Variants in KIF25 observed in about 807,000 individuals in gnomAD.
KIF25 encodes the protein kinesin-like protein KIF25.
Under a neutral mutation model 32.9 loss-of-function variants are expected in KIF25, and 19 were observed. The observed-to-expected ratio is 0.58, with a 90% CI of 0.40 to 0.85. The LOEUF (loss-of-function observed/expected upper bound fraction) is 0.85, where lower values mean the gene tolerates loss of function less well. KIF25 is among the 40% of genes least tolerant of loss of function. The pLI is 0.00. For synonymous variants in KIF25, 225 were observed against 213.7 expected, an observed-to-expected ratio of 1.05 and a Z score of -0.46; for missense variants, 485 against 507.0, an observed-to-expected ratio of 0.96 and a Z score of 0.42.
At chr6:168,043,848 A>T (rs2114918225) in intron 12 of KIF25, among the ~76,000 whole-genome samples, 1 of 152,260 alleles carries the variant, frequency 6.6e-6, no homozygotes, top group African/African-American at 2.4e-5. Context: ...TTCATCTGTA[A>T]TTCTTAACCC....
intron 4 of KIF25, among the ~76,000 whole-genome samples, chr6:168,009,406 A>C (rs755535063): frequency 6.6e-6 from 1 of 152,110 alleles, no homozygotes; most frequent in Non-Finnish European, 1.5e-5. Flanking sequence ...CTGTCCTCAC[A>C]TTTTGGGATA....
chr6:168,018,581 C>T (rs147229384), intron 5 of KIF25, among the ~76,000 whole-genome samples: 15 of 152,276 alleles, frequency 9.9e-5, no homozygotes, highest in South Asian at 6.2e-4. Flanking sequence ...ATAGTAATTT[C>T]GTTGTGATGA....
At position 168,044,984 on chromosome 6, in the gene KIF25, G is replaced by A; in HGVS notation, c.1143G>A (p.Arg381=). Residue 381 remains arginine (R), a synonymous_variant, in exon 13 of 13, where the codon AGG becomes AGA. Coordinates refer to ENST00000643607, the MANE Select transcript of KIF25 (RefSeq NM_030615.4). ...CCAGCTCCCAAACGGAGGGGAAGAG[G>A]AGGCCGGATTGAATGCATTAACAAG... ...KPPSSQTEGK[R]RPD The A allele has an allele frequency of 6.3e-7, 1 of 1,595,350 alleles. No individual in the cohort carries two copies. Among genetic ancestry groups the A allele is most frequent in the Non-Finnish European group, 8.5e-7 (1 of 1,169,732 alleles).
chr6:168,018,786 G>A (rs1798749623), intron 5 of KIF25, among the ~76,000 whole-genome samples: 2 of 152,180 alleles, frequency 1.3e-5, no homozygotes, highest in African/African-American at 2.4e-5. Context: ...CCTGCTCCTC[G>A]GAAGGACGTC....
intron 4 of KIF25, among the ~76,000 whole-genome samples, chr6:168,016,207 C>T (rs368183943): frequency 2.0e-5 from 3 of 152,080 alleles, no homozygotes; most frequent in African/African-American, 4.8e-5. Context: ...AGTTTTGCTT[C>T]GGTGTTTTGA....
chr6:168,034,681 G>C (rs1391651144), intron 8 of KIF25, among the ~76,000 whole-genome samples: 2 of 152,162 alleles, frequency 1.3e-5, no homozygotes, highest in Non-Finnish European at 2.9e-5. Flanking sequence ...GAAAACTCCC[G>C]TCCTTCCGTC....
In KIF25 at chr6:167,998,376, G is replaced by A. The variant is rs1458890197; in HGVS notation, c.-1093G>A. Reference sequence around the variant, plus strand: ...TTCTGTGGGTTCATAGAGACCAGACGGAGGCTGTAAATCATTGGCCTATGA... The same window carrying A: ...TTCTGTGGGTTCATAGAGACCAGACAGAGGCTGTAAATCATTGGCCTATGA... On this transcript the variant is annotated 5_prime_UTR_variant, in exon 1 of 13. Transcript: ENST00000643607. 5 of 152,118 alleles carry A rather than the reference G, an allele frequency of 3.3e-5. No homozygotes were observed. The highest frequency in any genetic ancestry group is 1.3e-4 in the Admixed American group (2 of 15,272). 9.4% of individuals were successfully genotyped at this position (152,118 alleles called of 1,614,324 possible).
intron 6 of KIF25, among the ~76,000 whole-genome samples, chr6:168,030,093 C>G (rs867010358): frequency 6.6e-6 from 1 of 152,212 alleles, no homozygotes; most frequent in Non-Finnish European, 1.5e-5. Context: ...GTTCTCTCAC[C>G]GTGCTCCAGG....
chr6:168,035,549 T>G (rs1418135761), intron 8 of KIF25, among the ~76,000 whole-genome samples: 1 of 107,258 alleles, frequency 9.3e-6, no homozygotes, highest in Non-Finnish European at 1.9e-5. Flanking sequence ...TGGGAAGAGC[T>G]GTTAGCTGCC....
intron 4 of KIF25, among the ~76,000 whole-genome samples, chr6:168,012,811 G>A (rs1798665856): frequency 1.3e-5 from 2 of 152,106 alleles, no homozygotes; most frequent in African/African-American, 4.8e-5. Context: ...GTGTTTGCCA[G>A]GGGCTGCCCA....
chr6:168,029,907 C>T (rs9455935), intron 6 of KIF25, among the ~76,000 whole-genome samples: 40,672 of 152,044 alleles, frequency 0.27, 5,801 homozygotes, highest in East Asian at 0.5. Context: ...AAATTAATGC[C>T]GCTGCTGGAG....
rs79159335 is a variant in KIF25, at chr6:168,008,934, G to A, written c.-163+5231G>A. The stretch of plus-strand genomic sequence containing the variant: ...TTTTTTCATATTAATTTTGTATCCT[G>A]CAACTTTACCGAAGTTGTCGATCAG... On this transcript the variant is annotated intron_variant, in intron 4 of 12. Transcript: ENST00000643607. 9.7e-3 allele frequency among the ~76,000 whole-genome samples: 1,482 copies of A among 152,114 alleles called. 18 individuals are homozygous for A. The highest frequency in any genetic ancestry group is 0.034 in the African/African-American group (1,396 of 41,484).
At chr6:168,005,912 G>A (rs139171410) in intron 4 of KIF25, among the ~76,000 whole-genome samples, 4 of 152,124 alleles carry the variant, frequency 2.6e-5, no homozygotes, top group African/African-American at 4.8e-5. Flanking sequence ...CCTTTAATCC[G>A]CTGATCAAGT....
intron 8 of KIF25, among the ~76,000 whole-genome samples, chr6:168,038,297 G>C (rs1330269988): frequency 6.6e-6 from 1 of 152,184 alleles, no homozygotes; most frequent in East Asian, 1.9e-4. Flanking sequence ...AGAATCCTCA[G>C]TGTACTGGTT....
chr6:168,007,817 C>A (rs1798598457), intron 4 of KIF25, among the ~76,000 whole-genome samples: 1 of 152,182 alleles, frequency 6.6e-6, no homozygotes, highest in Non-Finnish European at 1.5e-5. Flanking sequence ...GTCAGGCAGC[C>A]AAGCCCTGAA....
chr6:168,028,260 G>A (rs1487364804), intron 5 of KIF25, among the ~76,000 whole-genome samples: 1 of 152,034 alleles, frequency 6.6e-6, no homozygotes, highest in African/African-American at 2.4e-5. Flanking sequence ...CCGTTGCCCA[G>A]GCTGGTCTCA....
chr6:168,028,485 CATAG>C (rs1345604635), intron 5 of KIF25, among the ~76,000 whole-genome samples: 4 of 152,348 alleles, frequency 2.6e-5, no homozygotes, highest in South Asian at 2.1e-4. Flanking sequence ...ACCAAGCTGT[CATAG>C]ATAGAGTCTC....
At chr6:168,014,270 C>T (rs912544131) in intron 4 of KIF25, among the ~76,000 whole-genome samples, 4 of 151,992 alleles carry the variant, frequency 2.6e-5, no homozygotes, top group Non-Finnish European at 5.9e-5. Flanking sequence ...TGGCCCCAGC[C>T]CCTGGGGAAA....
intron 8 of KIF25, among the ~76,000 whole-genome samples, chr6:168,037,921 G>A (rs1274946990): frequency 6.6e-6 from 1 of 152,092 alleles, no homozygotes; most frequent in Non-Finnish European, 1.5e-5. Context: ...TCACCAGGTT[G>A]GCCATGATGG....
Sources: allele counts gnomAD v4.1 joint callset (sites outside exome capture counted in the v4.1 genomes callset), GRCh38; gene constraint gnomAD v4.1.1; transcripts MANE v1.5; gene names NCBI Gene and HGNC (gene_info 2026-07-23, HGNC 2026-07-21).